The following UGT1A9 variants were observed in gnomAD, a reference collection of about 807,000 sequenced individuals.
UGT1A9 encodes UDP-glucuronosyltransferase 1A9.
Under a neutral mutation model 45.0 loss-of-function variants are expected in UGT1A9, and 35 were observed. The observed-to-expected ratio is 0.78, with a 90% confidence interval of 0.59 to 1.03. UGT1A9 has a LOEUF of 1.03. Among genes scored for constraint, UGT1A9 ranks in the 50% least tolerant of loss-of-function variants. UGT1A9 has a pLI of 0.00. For missense variants in UGT1A9, 687 were observed against 666.6 expected, an observed-to-expected ratio of 1.03 and a Z score of -0.34; for synonymous variants, 278 against 250.6, an observed-to-expected ratio of 1.11 and a Z score of -1.03.
chr2:233,734,819 C>T (rs192367390), intron 1 of UGT1A9, among the ~76,000 whole-genome samples: 11 of 152,204 alleles, frequency 7.2e-5, no homozygotes, highest in South Asian at 2.1e-4. Flanking sequence ...TGTAGTTGTG[C>T]GATTTTGAGT....
intron 1 of UGT1A9, among the ~76,000 whole-genome samples, chr2:233,710,565 G>T (rs2125620366): frequency 6.6e-6 from 1 of 152,164 alleles, no homozygotes; most frequent in Non-Finnish European, 1.5e-5. Context: ...TCTTTTAAAA[G>T]GTGCCCTTTC....
rs571377170 is a variant in UGT1A9 at position 233,681,019 on chromosome 2, A to G, written c.855+8230A>G. 5.4e-4 allele frequency among the ~76,000 whole-genome samples: 82 copies of G among 152,098 alleles called. 1 individual carries two copies. The Middle Eastern group carries it at 0.034, about 63-fold the overall frequency. ...ATTACAGCATTTCAGAGGCCTCAGA[A>G]GATTTGGAAATGAAAAAAGACAAGC... On this transcript the variant is annotated intron_variant, in intron 1 of 4. Coordinates refer to ENST00000354728, the MANE Select transcript of UGT1A9 (RefSeq NM_021027.3).
At chr2:233,750,259 G>A (rs1161591814) in intron 1 of UGT1A9, among the ~76,000 whole-genome samples, 1 of 151,924 alleles carries the variant, frequency 6.6e-6, no homozygotes, top group Non-Finnish European at 1.5e-5. Flanking sequence ...GGTCACCCTT[G>A]CTATGCTTTA....
chr2:233,717,910 C>T (rs533075962), intron 1 of UGT1A9: 5 of 454,782 alleles, frequency 1.1e-5, no homozygotes, highest in Admixed American at 4.7e-5. Context: ...GAAATAAAGG[C>T]CTGGATGAAT....
intron 1 of UGT1A9, chr2:233,729,897 C>G: frequency 6.2e-7 from 1 of 1,613,908 alleles, no homozygotes; most frequent in Non-Finnish European, 8.5e-7. Context: ...TGTGGCTGTT[C>G]CGAGGGGACT....
intron 1 of UGT1A9, among the ~76,000 whole-genome samples, chr2:233,676,768 G>A (rs542086900): frequency 6.6e-6 from 1 of 152,276 alleles, no homozygotes; most frequent in East Asian, 1.9e-4. Context: ...TAGACTTTTG[G>A]TAGGAAGACA....
At chr2:233,718,794 A>T (rs2076686034) in intron 1 of UGT1A9, 2 of 1,613,190 alleles carry the variant, frequency 1.2e-6, no homozygotes, top group Non-Finnish European at 1.7e-6. Flanking sequence ...TGGGGTGGAC[A>T]GTCAGCTGTC....
Position 233,672,293 on chromosome 2 carries a change from T to G in UGT1A9, c.359T>G (p.Phe120Cys), listed in dbSNP as rs1302818562. 6.2e-7 allele frequency: 1 copy of G among 1,613,894 alleles called. No homozygotes were observed. Among genetic ancestry groups the G allele is most frequent in the Admixed American group, 1.7e-5 (1 of 59,970 alleles). ...MGSYNDIFDL[F>C]FSNCRSLFKD... Reference sequence around the variant, plus strand: ...TCATACAATGACATTTTTGACTTATTTTTTTCAAATTGCAGGAGTTTGTTT... The same window carrying G: ...TCATACAATGACATTTTTGACTTATGTTTTTCAAATTGCAGGAGTTTGTTT... Residue 120 changes from phenylalanine (F) to cysteine (C), a missense_variant, in exon 1 of 5, where the codon TTT becomes TGT. Coordinates refer to ENST00000354728, the MANE Select transcript of UGT1A9 (RefSeq NM_021027.3).
chr2:233,722,324 C>T (rs1239720305), intron 1 of UGT1A9, among the ~76,000 whole-genome samples: 1 of 152,060 alleles, frequency 6.6e-6, no homozygotes, highest in Non-Finnish European at 1.5e-5. Flanking sequence ...GTTTGGTTGA[C>T]CCTTAGATTT....
intron 1 of UGT1A9, chr2:233,713,771 C>T (rs780343524): frequency 3.7e-6 from 6 of 1,614,000 alleles, no homozygotes; most frequent in Non-Finnish European, 5.1e-6. Flanking sequence ...TCCGAGGGGA[C>T]TTTGTGATGG....
intron 2 of UGT1A9, among the ~76,000 whole-genome samples, chr2:233,767,644 C>T (rs983421121): frequency 2.0e-5 from 3 of 152,120 alleles, no homozygotes; most frequent in South Asian, 4.1e-4. Flanking sequence ...CACAAATTCA[C>T]GTAGTGCATA....
intron 1 of UGT1A9, among the ~76,000 whole-genome samples, chr2:233,694,754 C>CT (rs1277043555): frequency 3.3e-5 from 5 of 152,146 alleles, no homozygotes; most frequent in Admixed American, 1.3e-4. Flanking sequence ...GCAGTAGCCA[C>CT]TGTGAAAAGG....
At chr2:233,673,305 A>G (rs1337049852) in intron 1 of UGT1A9, among the ~76,000 whole-genome samples, 1 of 152,172 alleles carries the variant, frequency 6.6e-6, no homozygotes, top group African/African-American at 2.4e-5. Context: ...ACCAATACAG[A>G]CAGATTTGAC....
chr2:233,709,107 T>G (rs899292294), intron 1 of UGT1A9, among the ~76,000 whole-genome samples: 1 of 152,146 alleles, frequency 6.6e-6, no homozygotes, highest in Non-Finnish European at 1.5e-5. Context: ...CATGCCCATC[T>G]CTGAACTAAT....
At chr2:233,711,977 C>T (rs562474845) in intron 1 of UGT1A9, among the ~76,000 whole-genome samples, 2 of 152,280 alleles carry the variant, frequency 1.3e-5, no homozygotes, top group Admixed American at 6.5e-5. Context: ...TGAACTAGAG[C>T]CCCCACAAAT....
chr2:233,766,892 A>G (rs576495684), intron 1 of UGT1A9, 142 bp from the exon 2 acceptor site: 332 of 1,471,416 alleles, frequency 2.3e-4, no homozygotes, highest in Admixed American at 7.8e-4. Context: ...AAACTTACAT[A>G]TTAATAATTT....
chr2:233,718,986 C>T, intron 1 of UGT1A9: 1 of 1,614,204 alleles, frequency 6.2e-7, no homozygotes, highest in East Asian at 2.2e-5. Context: ...TGCCAGAGGC[C>T]ACCAGGCGGT....
intron 1 of UGT1A9, among the ~76,000 whole-genome samples, chr2:233,722,815 A>G: frequency 6.6e-6 from 1 of 151,158 alleles, no homozygotes; most frequent in East Asian, 1.9e-4. Context: ...TTATTTTTTC[A>G]AGTTATTTTG....
chr2:233,719,325 G>C (rs771082212), intron 1 of UGT1A9: 3 of 1,613,936 alleles, frequency 1.9e-6, no homozygotes, highest in South Asian at 1.1e-5. Context: ...GTCGATTCCT[G>C]CTGTGTTTTT....
Sources: gnomAD v4.1 joint callset for allele counts (sites outside exome capture counted in the v4.1 genomes callset) on GRCh38, gnomAD v4.1.1 for gene constraint, MANE v1.5 for transcripts, NCBI Gene and HGNC (gene_info 2026-07-23, HGNC 2026-07-21) for gene names.